Variants in PDPK1 observed in about 807,000 individuals in gnomAD.
PDPK1 encodes 3-phosphoinositide dependent protein kinase 1, also known as 3-phosphoinositide-dependent protein kinase 1.
A neutral mutation model predicts 39.8 loss-of-function variants in PDPK1; 7 were observed. The ratio of observed to expected loss-of-function variants is 0.18; its 90% confidence interval spans 0.10 to 0.33. The LOEUF (loss-of-function observed/expected upper bound fraction) is 0.33, where lower values mean the gene tolerates loss of function less well. Ranked by LOEUF, PDPK1 falls within the 10% of genes least tolerant of loss-of-function variation. The pLI is 1.00. For synonymous variants in PDPK1, 118 were observed against 159.1 expected, an observed-to-expected ratio of 0.74 and a Z score of 1.95; for missense variants, 182 against 384.7, an observed-to-expected ratio of 0.47 and a Z score of 4.41.
At position 2,597,920 on chromosome 16, in the gene PDPK1, G is replaced by A. The variant is rs1218331634; in HGVS notation, c.*153G>A. ...AGCATTTTTATTTAAAAGAAAAGAA[G>A]AAAAAAAACACCCAACCACACAAAG... is the stretch of plus-strand genomic sequence containing the variant. On this transcript the variant is annotated 3_prime_UTR_variant, in exon 14 of 14. Coordinates refer to ENST00000342085, the MANE Select transcript of PDPK1 (RefSeq NM_002613.5). This position sits in a 1 kb window ranked among gnomAD's most constrained non-coding sequence, Gnocchi z 6.3. 3.4e-6 allele frequency: 2 copies of A among 587,544 alleles called. No individual in the cohort carries two copies. Among genetic ancestry groups the A allele is most frequent in the African/African-American group, 3.7e-5 (2 of 53,556 alleles). 36.4% of individuals were successfully genotyped at this position (587,544 alleles called of 1,614,324 possible). A position where few individuals can be genotyped will look rare whatever the true frequency, so the allele number is the denominator to read the frequency against.
intron 10 of PDPK1, among the ~76,000 whole-genome samples, chr16:2,584,551 A>G (rs2066823815): frequency 6.7e-6 from 1 of 148,602 alleles, no homozygotes; most frequent in Non-Finnish European, 1.5e-5. Context: ...TATTTTTAGT[A>G]GAGACAGGGT....
rs1175741854 is a variant in PDPK1 at position 2,598,456 on chromosome 16, C to A, written c.*689C>A. The A allele has an allele frequency of 4.3e-6, 1 of 233,720 alleles. No homozygotes were observed. The highest frequency in any genetic ancestry group is 1.3e-3 in the Middle Eastern group (1 of 794). The allele number at this position is 233,720 out of a possible 1,614,324, so 14.5% of individuals were successfully genotyped here. ...GGGGTTGGAGTGGTGCGGGAGCAGG[C>A]TGCCGAGTGGAGGGTGCCATCGAGG... is the stretch of plus-strand genomic sequence containing the variant. On this transcript the variant is annotated 3_prime_UTR_variant, in exon 14 of 14. Coordinates refer to ENST00000342085, the MANE Select transcript of PDPK1 (RefSeq NM_002613.5).
At position 2,586,560 on chromosome 16, in the gene PDPK1, C is replaced by T. The variant is rs964730868; in HGVS notation, c.1126-116C>T. The T allele has an allele frequency of 9.3e-5, 76 of 820,466 alleles. No homozygotes were observed. The Middle Eastern group carries it at 1.1e-3, about 11-fold the overall frequency. 50.8% of individuals were successfully genotyped at this position (820,466 alleles called of 1,614,324 possible). The stretch of plus-strand genomic sequence containing the variant: ...CAGGGCTGCCCACCCTGTCGCCTTG[C>T]GCCTTGCTGTGTGCGAGCTCCCAAG... On this transcript the variant is annotated intron_variant, in intron 10 of 13. Transcript: ENST00000342085.
rs1030765816 is a variant in PDPK1, at chr16:2,593,486, CT to C, written c.1344-2306del. Reference sequence around the variant, plus strand: ...TCGCTCTCAGCCAGGAAGGCGGCCCCTCCCACACAGGTTGCAGGGATGGGCT... The same window carrying C: ...TCGCTCTCAGCCAGGAAGGCGGCCCCCCCACACAGGTTGCAGGGATGGGCT... On this transcript the variant is annotated intron_variant, in intron 11 of 13. Coordinates refer to ENST00000342085, the MANE Select transcript of PDPK1 (RefSeq NM_002613.5). The surrounding 1 kb of genome is among the most constrained non-coding windows in gnomAD (Gnocchi z 4.2). 9.2e-6 allele frequency: 2 copies of C among 217,908 alleles called. No individual in the cohort carries two copies. The highest frequency in any genetic ancestry group is 2.4e-5 in the African/African-American group (1 of 42,000). 13.5% of individuals were successfully genotyped at this position (217,908 alleles called of 1,614,324 possible). A position where few individuals can be genotyped will look rare whatever the true frequency, so the allele number is the denominator to read the frequency against.
At chr16:2,541,025 A>T (rs1455149711) in intron 1 of PDPK1, among the ~76,000 whole-genome samples, 1 of 151,906 alleles carries the variant, frequency 6.6e-6, no homozygotes, top group African/African-American at 2.4e-5. Flanking sequence ...GCATAGTGTG[A>T]TGTATTCCTG....
At chr16:2,591,873 T>G (rs557795518) in intron 11 of PDPK1, among the ~76,000 whole-genome samples, 3 of 152,372 alleles carry the variant, frequency 2.0e-5, no homozygotes, top group African/African-American at 7.2e-5. Context: ...ATGTCTCAGT[T>G]TTAATTTCCT....
chr16:2,586,405 C>A (rs1056631643), intron 10 of PDPK1, among the ~76,000 whole-genome samples: 1 of 152,256 alleles, frequency 6.6e-6, no homozygotes, highest in African/African-American at 2.4e-5. Flanking sequence ...GGGCCCAGGT[C>A]CCCTCTTCCT....
At position 2,597,964 on chromosome 16, in the gene PDPK1, C is replaced by T; in HGVS notation, c.*197C>T. On this transcript the variant is annotated 3_prime_UTR_variant, in exon 14 of 14. Coordinates refer to ENST00000342085, the MANE Select transcript of PDPK1 (RefSeq NM_002613.5). This position sits in a 1 kb window ranked among gnomAD's most constrained non-coding sequence, Gnocchi z 6.3. ...CACAAAGAACAAAACCAGTAACAAACACAAAGGAATTCAGGGTCGCTTTGC... is the reference window on the plus strand; with the variant it reads ...CACAAAGAACAAAACCAGTAACAAATACAAAGGAATTCAGGGTCGCTTTGC... 1.7e-6 allele frequency: 1 copy of T among 581,632 alleles called. No homozygotes were observed. 36.0% of individuals were successfully genotyped at this position (581,632 alleles called of 1,614,324 possible).
In PDPK1 at chr16:2,598,634, G is replaced by C. The variant is rs1392980253; in HGVS notation, c.*867G>C. The C allele has an allele frequency of 2.1e-5, 5 of 233,404 alleles. No individual in the cohort carries two copies. Among genetic ancestry groups the C allele is most frequent in the Non-Finnish European group, 4.2e-5 (5 of 118,232 alleles). The allele number at this position is 233,404 out of a possible 1,614,324, so 14.5% of individuals were successfully genotyped here. ...TGCCCCGAGCCCTAGGTGGGGCCAG[G>C]AGGTGCCTTGGAGAAGCCAGCCAGA... On this transcript the variant is annotated 3_prime_UTR_variant, in exon 14 of 14. Transcript: ENST00000342085.
intron 11 of PDPK1, among the ~76,000 whole-genome samples, chr16:2,591,532 A>C (rs1344014068): frequency 6.6e-6 from 1 of 152,226 alleles, no homozygotes; most frequent in African/African-American, 2.4e-5. Context: ...AAACATCTAC[A>C]CTTATTCTTA....
At chr16:2,539,711 G>A (rs567492343) in intron 1 of PDPK1, among the ~76,000 whole-genome samples, 8 of 152,186 alleles carry the variant, frequency 5.3e-5, no homozygotes, top group South Asian at 2.1e-4. Context: ...CTCAGTGGAG[G>A]CTGGGGCCGA....
chr16:2,599,120 T>C lies in PDPK1; in HGVS notation c.*1353T>C, dbSNP rs545861137. Reference sequence around the variant, plus strand: ...CAGACAGGCCAGATGCATTTGTCCTTTGCCTAGCTACTCCCCAGGTAGAGA... The same window carrying C: ...CAGACAGGCCAGATGCATTTGTCCTCTGCCTAGCTACTCCCCAGGTAGAGA... On this transcript the variant is annotated 3_prime_UTR_variant, in exon 14 of 14. Coordinates refer to ENST00000342085, the MANE Select transcript of PDPK1 (RefSeq NM_002613.5). 10 of 233,422 alleles carry C rather than the reference T, an allele frequency of 4.3e-5. No individual in the cohort carries two copies. The highest frequency in any genetic ancestry group is 1.8e-4 in the African/African-American group (8 of 45,480). The allele number at this position is 233,422 out of a possible 1,614,324, so 14.5% of individuals were successfully genotyped here.
chr16:2,596,994 G>A, intron 12 of PDPK1, 129 bp from the exon 13 acceptor site: 1 of 549,132 alleles, frequency 1.8e-6, no homozygotes, highest in Non-Finnish European at 3.1e-6. Context: ...CTGCCCCTGG[G>A]TGAGTGCACA....
chr16:2,585,128 C>CT (rs774950196), intron 10 of PDPK1, among the ~76,000 whole-genome samples: 1 of 152,204 alleles, frequency 6.6e-6, no homozygotes, highest in Non-Finnish European at 1.5e-5. Context: ...GGGAGCTTCT[C>CT]TGAGTGTGGG....
chr16:2,544,936 T>C (rs1481413032), intron 1 of PDPK1, among the ~76,000 whole-genome samples: 1 of 151,906 alleles, frequency 6.6e-6, no homozygotes, highest in African/African-American at 2.4e-5. Flanking sequence ...ACACACATGA[T>C]AGCATTTCAC....
At chr16:2,546,711 G>A (rs986096207) in intron 1 of PDPK1, among the ~76,000 whole-genome samples, 40 of 152,204 alleles carry the variant, frequency 2.6e-4, no homozygotes, top group Admixed American at 1.0e-3. Context: ...TTCCTGCTTG[G>A]GCAAGGTGCC....
At chr16:2,590,196 C>G (rs573183362) in intron 11 of PDPK1, among the ~76,000 whole-genome samples, 2 of 152,244 alleles carry the variant, frequency 1.3e-5, no homozygotes, top group South Asian at 4.1e-4. Flanking sequence ...TCTCTGTTCA[C>G]TGCAACCTCT....
chr16:2,544,060 C>A (rs893820941), intron 1 of PDPK1, among the ~76,000 whole-genome samples: 4 of 152,028 alleles, frequency 2.6e-5, no homozygotes, highest in African/African-American at 7.2e-5. Context: ...TTTAGGGAAT[C>A]ATGACAATAA....
chr16:2,544,015 G>A (rs1342527508), intron 1 of PDPK1, among the ~76,000 whole-genome samples: 16 of 151,872 alleles, frequency 1.1e-4, no homozygotes, highest in Non-Finnish European at 2.1e-4. Flanking sequence ...GATTACAGGC[G>A]TGAGCCACCG....
Sources: allele counts gnomAD v4.1 joint callset (sites outside exome capture counted in the v4.1 genomes callset), GRCh38; gene constraint gnomAD v4.1.1; non-coding constraint Gnocchi (gnomAD v3.1); transcripts MANE v1.5; gene names NCBI Gene and HGNC (gene_info 2026-07-23, HGNC 2026-07-21).